The following NEK7 variants were observed in gnomAD, a reference collection of about 807,000 sequenced individuals.
The protein encoded by NEK7 is NIMA related kinase 7.
A neutral mutation model predicts 44.6 loss-of-function variants in NEK7; 18 were observed. The ratio of observed to expected loss-of-function variants is 0.40; its 90% CI spans 0.28 to 0.60. NEK7 has a LOEUF of 0.60. Ranked by LOEUF, NEK7 falls within the 20% of genes least tolerant of loss-of-function variation. NEK7 has a pLI of 0.38. For synonymous variants in NEK7, 130 were observed against 121.1 expected (o/e 1.07, Z -0.48); for missense variants, 256 against 366.5 (o/e 0.70, Z 2.46).
intron 1 of NEK7, among the ~76,000 whole-genome samples, chr1:198,215,542 AATT>A (rs1053421493): frequency 2.8e-5 from 4 of 143,856 alleles, no homozygotes; most frequent in East Asian, 4.1e-4. Context: ...GGCCCAAGAC[AATT>A]CTTCTTCTTC....
rs149626386 is a variant in NEK7 at position 198,226,999 on chromosome 1, C to G, written c.-28-5554C>G. Among the ~76,000 whole-genome samples the G allele has an allele frequency of 2.3e-3, 345 of 152,224 alleles. 2 individuals are homozygous for G. Among genetic ancestry groups the G allele is most frequent in the African/African-American group, 8.0e-3 (334 of 41,532 alleles). ...TGTCATTTAACATTAGGTATATCTC[C>G]TAATGCTATTCCTCCCCCGCTCCCC... On this transcript the variant is annotated intron_variant, in intron 1 of 9. Transcript: ENST00000367385.
intron 2 of NEK7, among the ~76,000 whole-genome samples, chr1:198,241,022 GCTAT>G (rs1246101795): frequency 6.6e-6 from 1 of 152,150 alleles, no homozygotes; most frequent in African/African-American, 2.4e-5. Flanking sequence ...CAATTCACAT[GCTAT>G]CTCTGATTAC....
chr1:198,226,151 G>C lies in NEK7; in HGVS notation c.-28-6402G>C, dbSNP rs182278562. Among the ~76,000 whole-genome samples, 27 of 151,946 alleles carry C rather than the reference G, an allele frequency of 1.8e-4. No homozygotes were observed. In the East Asian group the frequency reaches 5.2e-3, roughly 29 times the overall value. On this transcript the variant is annotated intron_variant, in intron 1 of 9. Coordinates refer to ENST00000367385, the MANE Select transcript of NEK7 (RefSeq NM_133494.3). ...ATATTTTTGTTTCATTTTATGAAAG[G>C]ATTAGTGGTACGAGATACACTATTT...
intron 3 of NEK7, among the ~76,000 whole-genome samples, chr1:198,257,862 A>T (rs770013583): frequency 1.3e-5 from 2 of 152,208 alleles, no homozygotes; most frequent in Non-Finnish European, 2.9e-5. Flanking sequence ...TTAAACTACT[A>T]TATGGCAGAC....
intron 1 of NEK7, among the ~76,000 whole-genome samples, chr1:198,172,805 G>A (rs559555236): frequency 6.6e-6 from 1 of 150,834 alleles, no homozygotes; most frequent in South Asian, 2.1e-4. Context: ...AACCACATCA[G>A]CTTAGAATTT....
chr1:198,170,322 T>G (rs572882649), intron 1 of NEK7, among the ~76,000 whole-genome samples: 4 of 152,138 alleles, frequency 2.6e-5, no homozygotes, highest in Non-Finnish European at 5.9e-5. Context: ...GAGACTAGTT[T>G]GGCAATTAAG....
At chr1:198,228,358 T>G (rs1666289235) in intron 1 of NEK7, among the ~76,000 whole-genome samples, 1 of 152,222 alleles carries the variant, frequency 6.6e-6, no homozygotes, top group African/African-American at 2.4e-5. Context: ...CAGGCTCTTT[T>G]TTGGTTCCAT....
intron 1 of NEK7, among the ~76,000 whole-genome samples, 192 bp downstream of exon 1, chr1:198,157,468 A>C (rs889800889): frequency 6.6e-6 from 1 of 152,080 alleles, no homozygotes; most frequent in Non-Finnish European, 1.5e-5. Flanking sequence ...GTTCGTTGGC[A>C]GCGGTGGGAG....
chr1:198,270,952 G>T (rs1375748234), intron 5 of NEK7, among the ~76,000 whole-genome samples: 2 of 151,990 alleles, frequency 1.3e-5, no homozygotes, highest in Non-Finnish European at 2.9e-5. Context: ...ATGTTCACTG[G>T]TTTTTGGGGG....
chr1:198,165,557 G>A (rs543438411), intron 1 of NEK7, among the ~76,000 whole-genome samples: 3 of 152,252 alleles, frequency 2.0e-5, no homozygotes, highest in African/African-American at 7.2e-5. Flanking sequence ...CTTTTTCTGA[G>A]CAGTCGGTCT....
chr1:198,226,443 G>A (rs904130826), intron 1 of NEK7, among the ~76,000 whole-genome samples: 2 of 151,636 alleles, frequency 1.3e-5, no homozygotes, highest in Admixed American at 6.6e-5. Context: ...TACTCAAGAG[G>A]TTGAGGCAGG....
chr1:198,272,860 T>G (rs1653898703), intron 5 of NEK7, among the ~76,000 whole-genome samples: 1 of 151,824 alleles, frequency 6.6e-6, no homozygotes, highest in South Asian at 2.1e-4. Context: ...GTACCAGTTT[T>G]CAGGAGGCAA....
chr1:198,263,960 A>G (rs746864797), intron 4 of NEK7, among the ~76,000 whole-genome samples, 165 bp from the exon 5 acceptor site: 20 of 152,006 alleles, frequency 1.3e-4, no homozygotes, highest in Non-Finnish European at 2.8e-4. Flanking sequence ...TACTTTTAAT[A>G]ATTGTAATAT....
At chr1:198,262,704 CACTT>C in intron 4 of NEK7, 67 bp downstream of exon 4, 3 of 914,542 alleles carry the variant, frequency 3.3e-6, no homozygotes, top group South Asian at 1.7e-5. Flanking sequence ...TAAAATATCA[CACTT>C]AAACACAAAA....
intron 9 of NEK7, among the ~76,000 whole-genome samples, chr1:198,307,523 C>T (rs1655052733): frequency 6.6e-6 from 1 of 152,078 alleles, no homozygotes; most frequent in African/African-American, 2.4e-5. Flanking sequence ...TAATTCTCAA[C>T]AAGAATTTCA....
chr1:198,200,835 G>A lies in NEK7; in HGVS notation c.-28-31718G>A, dbSNP rs1665411165. Among the ~76,000 whole-genome samples, 3 of 152,154 alleles carry A rather than the reference G, an allele frequency of 2.0e-5. No homozygotes were observed. The South Asian group carries it at 6.2e-4, about 32-fold the overall frequency. On this transcript the variant is annotated intron_variant, in intron 1 of 9. Transcript: ENST00000367385. ...CAAAGTGTTGGGATTACAGGCATGA[G>A]CCACTGTGCCAGGCCCTTTGGTGCT... is the stretch of plus-strand genomic sequence containing the variant.
chr1:198,202,257 A>G (rs1418285512), intron 1 of NEK7, among the ~76,000 whole-genome samples: 1 of 152,072 alleles, frequency 6.6e-6, no homozygotes, highest in African/African-American at 2.4e-5. Flanking sequence ...CGTCAGGAAT[A>G]TTAAAAAAAA....
In NEK7 at chr1:198,253,153, A is replaced by C; in HGVS notation, c.171A>C (p.Gly57=). The change falls in exon 3 of 10, where the codon GGA becomes GGC. Residue 57 remains glycine (G), a synonymous_variant. Coordinates refer to ENST00000367385, the MANE Select transcript of NEK7 (RefSeq NM_133494.3). Reference sequence around the variant, plus strand: ...ATAGAGCAGCCTGTCTCTTGGATGGAGTACCAGTAGCTTTAAAAAAAGTGC... The same window carrying C: ...ATAGAGCAGCCTGTCTCTTGGATGGCGTACCAGTAGCTTTAAAAAAAGTGC... ...EVYRAACLLD[G]VPVALKKVQI... 2.5e-6 allele frequency: 4 copies of C among 1,608,470 alleles called. No individual in the cohort carries two copies. The highest frequency in any genetic ancestry group is 1.1e-5 in the South Asian group (1 of 90,320).
At chr1:198,206,964 T>G (rs1665616567) in intron 1 of NEK7, 1 of 152,192 alleles carries the variant, frequency 6.6e-6, no homozygotes, top group Non-Finnish European at 1.5e-5. Flanking sequence ...TAAGATTTCA[T>G]TTTAAGTCCA....
Sources: allele counts gnomAD v4.1 joint callset (sites outside exome capture counted in the v4.1 genomes callset), GRCh38; gene constraint gnomAD v4.1.1; transcripts MANE v1.5; gene names NCBI Gene and HGNC (gene_info 2026-07-23, HGNC 2026-07-21).